The following AGBL4 variants were observed in gnomAD, a reference collection of about 807,000 sequenced individuals.
AGBL4 encodes cytosolic carboxypeptidase 6.
Under a neutral mutation model 66.4 loss-of-function variants are expected in AGBL4, and 58 were observed. That is an observed-to-expected ratio of 0.87 (90% CI 0.71 to 1.09). The LOEUF (loss-of-function observed/expected upper bound fraction) is 1.09, where lower values mean the gene tolerates loss of function less well. AGBL4 is among the 50% of genes least tolerant of loss of function. The pLI is 0.00. For missense variants in AGBL4, 579 were observed against 631.0 expected (o/e 0.92, Z 0.88); for synonymous variants, 234 against 222.9 (o/e 1.05, Z -0.44).
chr1:49,447,737 A>T (rs1046119754), intron 3 of AGBL4, among the ~76,000 whole-genome samples: 39 of 151,976 alleles, frequency 2.6e-4, no homozygotes, highest in Non-Finnish European at 3.4e-4. Context: ...TCCTTTTTTC[A>T]CAATACCAAG....
intron 6 of AGBL4, among the ~76,000 whole-genome samples, chr1:48,854,707 T>C (rs1307738948): frequency 1.3e-5 from 2 of 152,156 alleles, no homozygotes; most frequent in Admixed American, 6.5e-5. Flanking sequence ...TTCCTGGACA[T>C]ATATACTTGT....
chr1:49,299,059 A>G (rs1359801325), intron 3 of AGBL4, among the ~76,000 whole-genome samples: 1 of 152,206 alleles, frequency 6.6e-6, no homozygotes, highest in African/African-American at 2.4e-5. Flanking sequence ...GTAACACGCC[A>G]TAATAAGTGC....
At chr1:49,953,766 A>G (rs1656358054) in intron 1 of AGBL4, among the ~76,000 whole-genome samples, 1 of 152,016 alleles carries the variant, frequency 6.6e-6, no homozygotes, top group African/African-American at 2.4e-5. Flanking sequence ...GAGATACTCA[A>G]TCTGTATCTA....
At chr1:49,135,810 A>T (rs1489343890) in intron 4 of AGBL4, among the ~76,000 whole-genome samples, 1 of 152,104 alleles carries the variant, frequency 6.6e-6, no homozygotes, top group South Asian at 2.1e-4. Context: ...CATTATGAAC[A>T]TGTTACAGTG....
At chr1:49,108,655 T>C (rs1004165392) in intron 4 of AGBL4, among the ~76,000 whole-genome samples, 1 of 152,166 alleles carries the variant, frequency 6.6e-6, no homozygotes, top group African/African-American at 2.4e-5. Flanking sequence ...TTCAGTGTTA[T>C]TGACAAAATA....
At chr1:48,611,833 A>G (rs138601913) in intron 9 of AGBL4, among the ~76,000 whole-genome samples, 1,798 of 152,366 alleles carry the variant, frequency 0.012, 24 homozygotes, top group Non-Finnish European at 0.016. Context: ...GACTATCCCT[A>G]TGGGTTTTAA....
At chr1:49,944,923 A>G (rs892717203) in intron 1 of AGBL4, among the ~76,000 whole-genome samples, 8 of 152,114 alleles carry the variant, frequency 5.3e-5, no homozygotes, top group Middle Eastern at 3.4e-3. Flanking sequence ...GAAATGCTCT[A>G]GAAAGTCTCA....
chr1:48,993,752 C>T (rs1017087443), intron 5 of AGBL4, among the ~76,000 whole-genome samples: 3 of 152,080 alleles, frequency 2.0e-5, no homozygotes, highest in Non-Finnish European at 2.9e-5. Context: ...CTGAGTTTAG[C>T]CTGTTGTTTC....
chr1:49,090,592 C>G (rs1368293426), intron 4 of AGBL4, among the ~76,000 whole-genome samples: 1 of 152,092 alleles, frequency 6.6e-6, no homozygotes, highest in Non-Finnish European at 1.5e-5. Flanking sequence ...AGAGATGATG[C>G]AAACAAATAG....
intron 6 of AGBL4, chr1:48,776,937 GC>G: frequency 5.3e-6 from 3 of 564,774 alleles, no homozygotes; most frequent in Non-Finnish European, 2.9e-6. Context: ...GCTGGGGGGG[GC>G]GGGGGCGGCT....
chr1:48,571,651 G>T (rs1248634419), intron 11 of AGBL4, among the ~76,000 whole-genome samples: 1 of 152,202 alleles, frequency 6.6e-6, no homozygotes, highest in Non-Finnish European at 1.5e-5. Flanking sequence ...GCTAGGAAAT[G>T]CCTTTCATTG....
At chr1:49,821,045 T>C (rs1446950963) in intron 2 of AGBL4, among the ~76,000 whole-genome samples, 1 of 152,204 alleles carries the variant, frequency 6.6e-6, no homozygotes. Context: ...TTTATTACTT[T>C]TCTTGCTGTT....
In AGBL4 at chr1:49,232,099, T is replaced by C. The variant is rs1406789490; in HGVS notation, c.377+13671A>G. Among the ~76,000 whole-genome samples, 4 of 152,118 alleles carry C rather than the reference T, an allele frequency of 2.6e-5. No individual in the cohort carries two copies. In the East Asian group the frequency reaches 7.7e-4, roughly 29 times the overall value. ...TTGGGTAAGTGGGAGTAGCTACTAA[T>C]GCATACAGGTTTCCACTGGGGGGAG... On this transcript the variant is annotated intron_variant, in intron 4 of 13. Coordinates refer to ENST00000371839, the MANE Select transcript of AGBL4 (RefSeq NM_032785.4).
chr1:48,563,026 C>A (rs1452775441), intron 11 of AGBL4, among the ~76,000 whole-genome samples: 1 of 152,172 alleles, frequency 6.6e-6, no homozygotes, highest in Admixed American at 6.5e-5. Flanking sequence ...TACTCCACAG[C>A]CAGTTCCACA....
At position 48,805,311 on chromosome 1, in the gene AGBL4, CA is replaced by C. The variant is rs377704473; in HGVS notation, c.634+61879del. On this transcript the variant is annotated intron_variant, in intron 6 of 13. Coordinates refer to ENST00000371839, the MANE Select transcript of AGBL4 (RefSeq NM_032785.4). ...TCAAAAGGAATATTTGGGCTCATTT[CA>C]AAAGGCAAATTTGGGTTATTGCCTT... Among the ~76,000 whole-genome samples the C allele has an allele frequency of 3.3e-4, 50 of 152,254 alleles. No homozygotes were observed. In the East Asian group the frequency reaches 9.5e-3, roughly 29 times the overall value.
At chr1:49,773,794 T>G (rs1644125806) in intron 2 of AGBL4, among the ~76,000 whole-genome samples, 1 of 152,328 alleles carries the variant, frequency 6.6e-6, no homozygotes, top group South Asian at 2.1e-4. Context: ...GGTCCAGTTC[T>G]CAAGCCAAGA....
intron 3 of AGBL4, among the ~76,000 whole-genome samples, chr1:49,323,870 G>C (rs1218702432): frequency 6.6e-6 from 1 of 151,976 alleles, no homozygotes; most frequent in Admixed American, 6.6e-5. Flanking sequence ...TCCTCAGCTA[G>C]AATTAGTTTC....
chr1:49,961,477 C>T (rs1557621823), intron 1 of AGBL4, among the ~76,000 whole-genome samples: 5 of 152,064 alleles, frequency 3.3e-5, no homozygotes. Flanking sequence ...TGTACTCCAG[C>T]CTGGGCAACA....
At chr1:49,386,053 G>T (rs956176066) in intron 3 of AGBL4, among the ~76,000 whole-genome samples, 4 of 151,920 alleles carry the variant, frequency 2.6e-5, no homozygotes, top group Non-Finnish European at 5.9e-5. Flanking sequence ...ACACTATAAA[G>T]AAATTCTTAC....
Sources: gnomAD v4.1 joint callset for allele counts (sites outside exome capture counted in the v4.1 genomes callset) on GRCh38, gnomAD v4.1.1 for gene constraint, MANE v1.5 for transcripts, NCBI Gene and HGNC (gene_info 2026-07-23, HGNC 2026-07-21) for gene names.